NRP2: variants seen among roughly 807,000 people sequenced by gnomAD.
NRP2 encodes the protein neuropilin 2.
A neutral mutation model predicts 110.4 loss-of-function variants in NRP2; 52 were observed. The observed-to-expected ratio is 0.47, with a 90% CI of 0.38 to 0.59. The LOEUF is 0.59. NRP2 is among the 20% of genes least tolerant of loss of function. The pLI, the probability that NRP2 is intolerant of heterozygous loss-of-function variation, is 0.00. For synonymous variants in NRP2, 508 were observed against 468.9 expected, an observed-to-expected ratio of 1.08 and a Z score of -1.08; for missense variants, 1,049 against 1,203.0, an observed-to-expected ratio of 0.87 and a Z score of 1.89.
At chr2:205,772,072 T>A (rs941657058) in intron 15 of NRP2, among the ~76,000 whole-genome samples, 1 of 152,252 alleles carries the variant, frequency 6.6e-6, no homozygotes, top group Non-Finnish European at 1.5e-5. Context: ...GGGCCATCTC[T>A]TGGGTTTCAC....
chr2:205,723,656 T>G, intron 4 of NRP2, 129 bp from the exon 5 acceptor site: 1 of 908,726 alleles, frequency 1.1e-6, no homozygotes, highest in Non-Finnish European at 1.8e-6. Context: ...AACATATCTT[T>G]GGTTTTTATG....
intron 6 of NRP2, among the ~76,000 whole-genome samples, chr2:205,727,419 C>A (rs572241558): frequency 2.6e-5 from 4 of 152,296 alleles, no homozygotes; most frequent in African/African-American, 9.6e-5. Flanking sequence ...ACTAAATACA[C>A]AATGGAGCGA....
chr2:205,700,999 G>C (rs543377811), intron 2 of NRP2: 6 of 243,652 alleles, frequency 2.5e-5, no homozygotes, highest in Non-Finnish European at 2.5e-5. Flanking sequence ...AGTGGAGGAT[G>C]CTAGGATGTT....
intron 10 of NRP2, among the ~76,000 whole-genome samples, chr2:205,747,018 C>T (rs1229669437): frequency 3.9e-5 from 6 of 152,156 alleles, no homozygotes; most frequent in Admixed American, 2.0e-4. Context: ...GCCTGCTAAA[C>T]GTGTGTCACC....
rs2105846693 is a variant in NRP2, at chr2:205,682,841, C to T, written c.-450C>T. 1 of 170,030 alleles carries T rather than the reference C, an allele frequency of 5.9e-6. No homozygotes were observed. The highest frequency in any genetic ancestry group is 1.3e-5 in the Non-Finnish European group (1 of 78,696). The allele number at this position is 170,030 out of a possible 1,614,324, so 10.5% of individuals were successfully genotyped here. Reference sequence around the variant, plus strand: ...GCCCGTGTGTCCGTCAAGGGTGCCGCGGGATGTGTGTCAGTTTACGCCTCT... The same window carrying T: ...GCCCGTGTGTCCGTCAAGGGTGCCGTGGGATGTGTGTCAGTTTACGCCTCT... On this transcript the variant is annotated 5_prime_UTR_variant, in exon 1 of 17. Transcript: ENST00000357785. This position sits in a 1 kb window ranked among gnomAD's most constrained non-coding sequence, Gnocchi z 4.3.
chr2:205,784,968 G>T (rs2058219955), intron 15 of NRP2, among the ~76,000 whole-genome samples: 2 of 152,168 alleles, frequency 1.3e-5, no homozygotes, highest in Non-Finnish European at 2.9e-5. Flanking sequence ...GCTATTGGGG[G>T]AAATCATCTC....
At chr2:205,748,715 G>A (rs531854177) in intron 10 of NRP2, among the ~76,000 whole-genome samples, 22 of 152,150 alleles carry the variant, frequency 1.4e-4, no homozygotes, top group Non-Finnish European at 2.9e-4. Flanking sequence ...GAGGGACAAG[G>A]CACTGGCATC....
At chr2:205,765,014 A>G (rs755027114) in intron 13 of NRP2, among the ~76,000 whole-genome samples, 2 of 152,206 alleles carry the variant, frequency 1.3e-5, no homozygotes, top group Admixed American at 6.5e-5. Context: ...AAGGCAACTT[A>G]TAATAAGGAG....
chr2:205,720,662 T>A (rs1343609341), intron 3 of NRP2, among the ~76,000 whole-genome samples: 1 of 152,222 alleles, frequency 6.6e-6, no homozygotes, highest in Middle Eastern at 3.2e-3. Context: ...CCATAAACTC[T>A]AACCTTTTCA....
intron 15 of NRP2, chr2:205,776,369 T>G: frequency 6.2e-7 from 1 of 1,613,320 alleles, no homozygotes. Context: ...TCCGTCGCGC[T>G]GGCCCTGGTG....
At chr2:205,711,973 G>A (rs2056807379) in intron 2 of NRP2, among the ~76,000 whole-genome samples, 1 of 152,196 alleles carries the variant, frequency 6.6e-6, no homozygotes, top group African/African-American at 2.4e-5. Flanking sequence ...AGTGATGAGA[G>A]GAAGAGATGA....
At chr2:205,730,839 G>C (rs1329359331) in intron 7 of NRP2, among the ~76,000 whole-genome samples, 1 of 152,234 alleles carries the variant, frequency 6.6e-6, no homozygotes, top group Admixed American at 6.5e-5. Flanking sequence ...CTGAGGCAAG[G>C]CCTAGGCCTC....
Position 205,745,792 on chromosome 2 carries a change from T to A in NRP2, c.1688T>A (p.Phe563Tyr), listed in dbSNP as rs1045208252. The change falls in exon 10 of 17, where the codon TTT becomes TAT. Residue 563 changes from phenylalanine (F) to tyrosine (Y), a missense_variant. Physicochemically the swap from Phe to Tyr is conservative, Grantham distance 22. Coordinates refer to ENST00000357785, the MANE Select transcript of NRP2 (RefSeq NM_003872.3). ...TATGACACCCCTGACATCCGAAGGT[T>A]TGACCCCATTCCGGCACAGTATGTG... is the stretch of plus-strand genomic sequence containing the variant. Reference protein sequence around the residue: ...MHYDTPDIRRFDPIPAQYVRV... With the variant: ...MHYDTPDIRRYDPIPAQYVRV... 1 of 1,614,100 alleles carries A rather than the reference T, an allele frequency of 6.2e-7. No individual in the cohort carries two copies. The highest frequency in any genetic ancestry group is 2.2e-5 in the East Asian group (1 of 44,886).
rs759800643 is a variant in NRP2 at position 205,795,067 on chromosome 2, A to G, written c.*9A>G. 3 of 1,612,916 alleles carry G rather than the reference A, an allele frequency of 1.9e-6. No homozygotes were observed. The highest frequency in any genetic ancestry group is 1.1e-5 in the South Asian group (1 of 90,874). On this transcript the variant is annotated 3_prime_UTR_variant, in exon 17 of 17. Coordinates refer to ENST00000357785, the MANE Select transcript of NRP2 (RefSeq NM_003872.3). ...GCTGCTCCGAGGCATGACGGATTGC[A>G]CCTGAATCCTATCTGACGTTTCATT...
intron 11 of NRP2, among the ~76,000 whole-genome samples, chr2:205,751,965 C>T (rs2057653662): frequency 6.6e-6 from 1 of 152,336 alleles, no homozygotes; most frequent in Non-Finnish European, 1.5e-5. Flanking sequence ...TTGGCATTAG[C>T]TCATACTGGA....
chr2:205,682,576 G>A lies in NRP2; in HGVS notation c.-715G>A, dbSNP rs1486138775. 6.5e-6 allele frequency: 1 copy of A among 154,252 alleles called. No homozygotes were observed. Among genetic ancestry groups the A allele is most frequent in the African/African-American group, 2.4e-5 (1 of 41,482 alleles). 9.6% of individuals were successfully genotyped at this position (154,252 alleles called of 1,614,324 possible). Reference sequence around the variant, plus strand: ...AGCCGCACAGACACTCGGCGAGGTGGAGGTGAGGGCGGGCGCCAGCGAACT... The same window carrying A: ...AGCCGCACAGACACTCGGCGAGGTGAAGGTGAGGGCGGGCGCCAGCGAACT... On this transcript the variant is annotated 5_prime_UTR_variant, in exon 1 of 17. Coordinates refer to ENST00000357785, the MANE Select transcript of NRP2 (RefSeq NM_003872.3). The surrounding 1 kb of genome is among the most constrained non-coding windows in gnomAD (Gnocchi z 4.3).
rs367661830 is a variant in NRP2 at position 205,723,957 on chromosome 2, G to A, written c.820+17G>A. ...CACTAGAGAGTGAGTTGGCCGATTG[G>A]GAACCTCTGTCCTGTCCTTCCGTCA... On this transcript the variant is annotated intron_variant, in intron 5 of 16. Coordinates refer to ENST00000357785, the MANE Select transcript of NRP2 (RefSeq NM_003872.3). 113 of 1,613,816 alleles carry A rather than the reference G, an allele frequency of 7.0e-5. No homozygotes were observed. The highest frequency in any genetic ancestry group is 9.2e-5 in the Non-Finnish European group (109 of 1,179,918).
Position 205,757,735 on chromosome 2 carries a change from T to C in NRP2, c.2044+4760T>C, listed in dbSNP as rs533503549. Among the ~76,000 whole-genome samples the C allele has an allele frequency of 4.3e-4, 66 of 152,158 alleles. 1 individual carries two copies. The highest frequency in any genetic ancestry group is 8.3e-4 in the South Asian group (4 of 4,802). On this transcript the variant is annotated intron_variant, in intron 12 of 16. Coordinates refer to ENST00000357785, the MANE Select transcript of NRP2 (RefSeq NM_003872.3). Reference sequence around the variant, plus strand: ...GAACTTCCTGGGCTCTGGACCATGATAGATAATTAAAGATCAGGAGCAGCT... The same window carrying C: ...GAACTTCCTGGGCTCTGGACCATGACAGATAATTAAAGATCAGGAGCAGCT...
At chr2:205,699,716 A>G (rs2105893220) in intron 2 of NRP2, among the ~76,000 whole-genome samples, 1 of 152,318 alleles carries the variant, frequency 6.6e-6, no homozygotes, top group African/African-American at 2.4e-5. Context: ...GAGGTGGAGT[A>G]GGGGAAGCCA....
Sources: allele counts gnomAD v4.1 joint callset (sites outside exome capture counted in the v4.1 genomes callset), GRCh38; gene constraint gnomAD v4.1.1; non-coding constraint Gnocchi (gnomAD v3.1); transcripts MANE v1.5; gene names NCBI Gene and HGNC (gene_info 2026-07-23, HGNC 2026-07-21).